ADAMTSL3: variants seen among roughly 807,000 people sequenced by gnomAD.
The protein encoded by ADAMTSL3 is ADAMTS like 3.
In ADAMTSL3, 128 loss-of-function variants were observed where a neutral mutation model predicts 201.7. The observed-to-expected ratio is 0.63, with a 90% CI of 0.55 to 0.73. The LOEUF (loss-of-function observed/expected upper bound fraction) is 0.73, where lower values mean the gene tolerates loss of function less well. Among genes scored for constraint, ADAMTSL3 ranks in the 30% least tolerant of loss-of-function variants. The pLI is 0.00. For synonymous variants in ADAMTSL3, 738 were observed against 748.4 expected, an observed-to-expected ratio of 0.99 and a Z score of 0.23; for missense variants, 1,990 against 2,119.6, an observed-to-expected ratio of 0.94 and a Z score of 1.20.
intron 2 of ADAMTSL3, among the ~76,000 whole-genome samples, chr15:83,670,258 CAAAAAAAAAAAAAAA>C (rs60947988): frequency 7.7e-5 from 5 of 64,522 alleles, no homozygotes; most frequent in Non-Finnish European, 1.1e-4. Flanking sequence ...ACTCTGTCTC[CAAAAAAAAAAAAAAA>C]AAAAAAAAAA....
At chr15:83,710,371 T>A (rs1466304524) in intron 3 of ADAMTSL3, among the ~76,000 whole-genome samples, 1 of 152,218 alleles carries the variant, frequency 6.6e-6, no homozygotes, top group African/African-American at 2.4e-5. Context: ...AGTGACCACT[T>A]GGTTTTCAAA....
At position 83,773,530 on chromosome 15, in the gene ADAMTSL3, G is replaced by T. The variant is rs1345814457; in HGVS notation, c.197G>T (p.Arg66Ile). The change falls in exon 4 of 30, where the codon AGA becomes ATA. Residue 66 changes from arginine to isoleucine, a missense_variant. Transcript: ENST00000286744. ...TTGCTTTTTAACATCTAGACCTCAA[G>T]AAACACTCGTTCAGATGAAGACAAA... ...LTYRYDDQTS[R>I]NTRSDEDKDG... 1 of 1,612,444 alleles carries T rather than the reference G, an allele frequency of 6.2e-7. No homozygotes were observed. The highest frequency in any genetic ancestry group is 1.3e-5 in the African/African-American group (1 of 74,796).
intron 10 of ADAMTSL3, 34 bp from the exon 11 acceptor site, chr15:83,890,075 G>A: frequency 6.3e-7 from 1 of 1,578,676 alleles, no homozygotes; most frequent in Non-Finnish European, 8.6e-7. Flanking sequence ...TGAAACGGAT[G>A]CAATATTCAG....
chr15:83,931,165 G>A (rs774772159), intron 17 of ADAMTSL3, among the ~76,000 whole-genome samples: 1 of 152,202 alleles, frequency 6.6e-6, no homozygotes, highest in Non-Finnish European at 1.5e-5. Context: ...TAATGGTCCT[G>A]CTAGTCTGAG....
At chr15:83,793,459 G>GTGTTGTTGTTGTTGT (rs57822593) in intron 4 of ADAMTSL3, among the ~76,000 whole-genome samples, 14 of 150,650 alleles carry the variant, frequency 9.3e-5, no homozygotes, top group African/African-American at 2.2e-4. Context: ...ATCTGTTGGT[G>GTGTTGTTGTTGTTGT]TGTTGTTGTT....
At chr15:83,731,440 C>CT (rs1159269029) in intron 3 of ADAMTSL3, among the ~76,000 whole-genome samples, 5 of 152,020 alleles carry the variant, frequency 3.3e-5, no homozygotes, top group Non-Finnish European at 7.4e-5. Flanking sequence ...AAAAGGAACT[C>CT]TTATATGCTG....
chr15:83,917,896 C>T (rs950144905), intron 16 of ADAMTSL3, among the ~76,000 whole-genome samples: 1 of 152,076 alleles, frequency 6.6e-6, no homozygotes, highest in African/African-American at 2.4e-5. Context: ...AGTGTTTAAT[C>T]ACAGTGTGTG....
intron 5 of ADAMTSL3, among the ~76,000 whole-genome samples, chr15:83,814,266 T>A (rs2063738818): frequency 6.6e-6 from 1 of 152,196 alleles, no homozygotes; most frequent in Non-Finnish European, 1.5e-5. Flanking sequence ...CCCCCTCTCA[T>A]GTCTGTCTCC....
Position 83,982,627 on chromosome 15 carries a change from A to G in ADAMTSL3, c.2999A>G (p.Asn1000Ser), listed in dbSNP as rs758106250. Residue 1000 changes from asparagine to serine, a missense_variant, in exon 21 of 30, where the codon AAC becomes AGC. Coordinates refer to ENST00000286744, the MANE Select transcript of ADAMTSL3 (RefSeq NM_207517.3). ...GTGCTCAAGCTCATTGGTACTGACAACCGGCTCATCGCACGCCCAGCCCTC... is the reference window on the plus strand; with the variant it reads ...GTGCTCAAGCTCATTGGTACTGACAGCCGGCTCATCGCACGCCCAGCCCTC... ...TVVLKLIGTD[N>S]RLIARPALRE... The G allele has an allele frequency of 2.0e-5, 32 of 1,614,078 alleles. No individual in the cohort carries two copies. Among genetic ancestry groups the G allele is most frequent in the Non-Finnish European group, 2.5e-5 (30 of 1,180,040 alleles).
At chr15:83,778,227 T>C (rs1487800373) in intron 4 of ADAMTSL3, among the ~76,000 whole-genome samples, 1 of 152,122 alleles carries the variant, frequency 6.6e-6, no homozygotes, top group Non-Finnish European at 1.5e-5. Context: ...ACTTCATGGA[T>C]GAACCCAACT....
At chr15:83,712,715 A>C (rs1331985741) in intron 3 of ADAMTSL3, among the ~76,000 whole-genome samples, 1 of 152,138 alleles carries the variant, frequency 6.6e-6, no homozygotes, top group African/African-American at 2.4e-5. Flanking sequence ...GATGGCCCTT[A>C]AAATTGCCTG....
intron 4 of ADAMTSL3, among the ~76,000 whole-genome samples, chr15:83,778,139 G>T (rs773903904): frequency 6.0e-4 from 91 of 152,264 alleles, no homozygotes; most frequent in Admixed American, 1.6e-3. Flanking sequence ...CCAAATCCAT[G>T]ACTTACTGGT....
chr15:83,732,623 A>G (rs1358655025), intron 3 of ADAMTSL3, among the ~76,000 whole-genome samples: 1 of 152,152 alleles, frequency 6.6e-6, no homozygotes, highest in Non-Finnish European at 1.5e-5. Flanking sequence ...TCTATTAGAA[A>G]CTATATAAAC....
intron 3 of ADAMTSL3, among the ~76,000 whole-genome samples, chr15:83,746,272 T>C (rs1426379289): frequency 3.3e-5 from 5 of 150,814 alleles, no homozygotes; most frequent in African/African-American, 1.2e-4. Context: ...TCCCTTGCAG[T>C]CTGAGTGGCC....
chr15:83,900,292 T>G (rs1302601955), intron 15 of ADAMTSL3, among the ~76,000 whole-genome samples: 3 of 152,194 alleles, frequency 2.0e-5, no homozygotes, highest in Non-Finnish European at 4.4e-5. Flanking sequence ...CAGGGTTCAT[T>G]CCAACTCAAA....
intron 25 of ADAMTSL3, among the ~76,000 whole-genome samples, chr15:84,017,793 C>A (rs1246976029): frequency 6.6e-6 from 1 of 152,176 alleles, no homozygotes; most frequent in African/African-American, 2.4e-5. Context: ...GCTTACTCCT[C>A]CCAGGTCTGG....
At chr15:83,971,370 A>G (rs2067190586) in intron 20 of ADAMTSL3, among the ~76,000 whole-genome samples, 1 of 152,074 alleles carries the variant, frequency 6.6e-6, no homozygotes, top group Admixed American at 6.6e-5. Flanking sequence ...ATCCTGGCTA[A>G]CATGGTTAAA....
Position 83,983,280 on chromosome 15 carries a change from A to C in ADAMTSL3, c.3652A>C (p.Ile1218Leu), listed in dbSNP as rs201666711. ...TEVINILCDL[I>L]TPSEATYTWT... ...GGTCATCAATATACTGTGTGACCTT[A>C]TTACCCCCAGTGAGGCCACATATAC... The change falls in exon 21 of 30, where the codon ATT becomes CTT. Residue 1218 changes from isoleucine (I) to leucine (L), a missense_variant. Physicochemically the swap from Ile to Leu is conservative, Grantham distance 5. Transcript: ENST00000286744. 4 of 1,605,408 alleles carry C rather than the reference A, an allele frequency of 2.5e-6. No homozygotes were observed. Among genetic ancestry groups the C allele is most frequent in the Non-Finnish European group, 3.4e-6 (4 of 1,175,822 alleles).
chr15:83,683,702 G>C (rs1044767051), intron 2 of ADAMTSL3, among the ~76,000 whole-genome samples: 1 of 152,128 alleles, frequency 6.6e-6, no homozygotes, highest in African/African-American at 2.4e-5. Context: ...GTTGCATCTG[G>C]AGTCCCTGTC....
Sources: allele counts gnomAD v4.1 joint callset (sites outside exome capture counted in the v4.1 genomes callset), GRCh38; gene constraint gnomAD v4.1.1; transcripts MANE v1.5; gene names NCBI Gene and HGNC (gene_info 2026-07-23, HGNC 2026-07-21).